The following SSBP2 variants were observed in gnomAD, a reference collection of about 807,000 sequenced individuals.
SSBP2 encodes single-stranded DNA-binding protein 2.
A neutral mutation model predicts 61.8 loss-of-function variants in SSBP2; 17 were observed. That is an observed-to-expected ratio of 0.28 (90% CI 0.19 to 0.41). SSBP2 has a LOEUF of 0.41. SSBP2 is among the 10% of genes least tolerant of loss of function. The pLI is 1.00. For missense variants in SSBP2, 310 were observed against 458.7 expected (o/e 0.68, Z 2.96); for synonymous variants, 139 against 141.3 (o/e 0.98, Z 0.12).
At chr5:81,538,954 C>T (rs1771026237) in intron 4 of SSBP2, among the ~76,000 whole-genome samples, 1 of 152,198 alleles carries the variant, frequency 6.6e-6, no homozygotes, top group Non-Finnish European at 1.5e-5. Flanking sequence ...TATTCTGCAG[C>T]CCATGGATCA....
intron 1 of SSBP2, among the ~76,000 whole-genome samples, chr5:81,670,162 C>A (rs191698973): frequency 3.7e-4 from 57 of 152,200 alleles, no homozygotes; most frequent in African/African-American, 1.3e-3. Context: ...AAACTATGGA[C>A]TTCGAGTAAT....
chr5:81,430,448 G>A (rs942379429), intron 15 of SSBP2, among the ~76,000 whole-genome samples: 4 of 152,076 alleles, frequency 2.6e-5, no homozygotes, highest in African/African-American at 9.7e-5. Flanking sequence ...GGTATATAAG[G>A]TACCATGAGA....
At chr5:81,437,583 T>A (rs2153948316) in intron 14 of SSBP2, 125 bp from the exon 15 acceptor site, 1 of 810,210 alleles carries the variant, frequency 1.2e-6, no homozygotes, top group African/African-American at 1.8e-5. Context: ...CCTGAGTTTT[T>A]AAATCTGAAA....
chr5:81,605,077 G>A (rs1349464844), intron 4 of SSBP2, among the ~76,000 whole-genome samples: 1 of 151,940 alleles, frequency 6.6e-6, no homozygotes, highest in African/African-American at 2.4e-5. Flanking sequence ...TACTAGCTTA[G>A]AATATCTAAA....
chr5:81,436,216 A>G (rs575473727), intron 15 of SSBP2, among the ~76,000 whole-genome samples: 1 of 147,922 alleles, frequency 6.8e-6, no homozygotes, highest in African/African-American at 2.5e-5. Context: ...AAAAAGAGGT[A>G]TCTGAGAGCC....
upstream of SSBP2, chr5:81,751,289 CGACTCCCTCCCTCCCGCCTTCCCT>C: frequency 1.8e-6 from 1 of 562,832 alleles, no homozygotes. Flanking sequence ...CCTCCCTCCC[CGACTCCCTCCCTCCCGCCTTCCCT>C]CTCCGCTCTC....
At chr5:81,530,026 A>G (rs1165756167) in intron 4 of SSBP2, among the ~76,000 whole-genome samples, 2 of 152,090 alleles carry the variant, frequency 1.3e-5, no homozygotes, top group Non-Finnish European at 2.9e-5. Flanking sequence ...AGAGATAGCG[A>G]TACAGAGAAA....
chr5:81,425,108 A>G (rs571238211), intron 16 of SSBP2, among the ~76,000 whole-genome samples: 114 of 152,342 alleles, frequency 7.5e-4, no homozygotes, highest in African/African-American at 2.5e-3. Flanking sequence ...ATGTGAAATG[A>G]GATAGCACGC....
At chr5:81,567,408 A>G (rs1773502867) in intron 4 of SSBP2, among the ~76,000 whole-genome samples, 1 of 152,238 alleles carries the variant, frequency 6.6e-6, no homozygotes, top group Non-Finnish European at 1.5e-5. Flanking sequence ...GCGGGTGCAC[A>G]GAAGTCAAGA....
At chr5:81,605,488 T>C (rs567585105) in intron 4 of SSBP2, among the ~76,000 whole-genome samples, 1 of 152,230 alleles carries the variant, frequency 6.6e-6, no homozygotes, top group Non-Finnish European at 1.5e-5. Flanking sequence ...TCTTTCAATA[T>C]GAGTGAGGTA....
intron 1 of SSBP2, 174 bp downstream of exon 1, chr5:81,750,807 C>G (rs947708096): frequency 2.4e-5 from 17 of 723,330 alleles, no homozygotes; most frequent in South Asian, 9.4e-5. Context: ...CCGCACCTCC[C>G]GGGAAAGCGC....
intron 4 of SSBP2, among the ~76,000 whole-genome samples, chr5:81,579,744 T>C (rs6880224): frequency 0.93 from 141,608 of 152,136 alleles, 66,061 homozygotes; most frequent in East Asian, 1. Context: ...CAATAGGAAA[T>C]GGAAGCTGTC....
chr5:81,446,894 C>T lies in SSBP2; in HGVS notation c.752G>A (p.Gly251Glu). 2 of 1,606,386 alleles carry T rather than the reference C, an allele frequency of 1.2e-6. No homozygotes were observed. The highest frequency in any genetic ancestry group is 1.1e-5 in the South Asian group (1 of 89,346). The change falls in exon 12 of 17, where the codon GGA (glycine) becomes GAA (glutamate). Residue 251 changes from glycine (G) to glutamate (E), a missense_variant. Physicochemically the swap from Gly to Glu is moderately conservative, Grantham distance 98. Transcript: ENST00000320672. ...TGCTGGACTAGGCATGATGGGTGTT[C>T]CTGGTGGCCCTCCACCTCCTGGAGG... is the stretch of plus-strand genomic sequence containing the variant.
In SSBP2 at chr5:81,659,500, C is replaced by T. The variant is rs139180726; in HGVS notation, c.63-9161G>A. 7.7e-3 allele frequency among the ~76,000 whole-genome samples: 1,170 copies of T among 152,226 alleles called. 22 individuals carry two copies. Among genetic ancestry groups the T allele is most frequent in the African/African-American group, 0.027 (1,114 of 41,532 alleles). ...CTTCAAGGAGAACTACAAACCACTA[C>T]TCAAGAAAATGAGAGGACACAAACA... On this transcript the variant is annotated intron_variant, in intron 1 of 16. Coordinates refer to ENST00000320672, the MANE Select transcript of SSBP2 (RefSeq NM_012446.5).
intron 16 of SSBP2, among the ~76,000 whole-genome samples, chr5:81,423,718 C>G (rs942458328): frequency 6.6e-6 from 1 of 151,606 alleles, no homozygotes; most frequent in African/African-American, 2.4e-5. Context: ...GCACTCTAGC[C>G]TGGGTGACAG....
chr5:81,488,058 T>TATATATAA (rs1491473867), intron 6 of SSBP2, among the ~76,000 whole-genome samples: 1 of 83,192 alleles, frequency 1.2e-5, no homozygotes, highest in Non-Finnish European at 2.1e-5. Flanking sequence ...TATATATATA[T>TATATATAA]AAATAAAATA....
chr5:81,445,374 G>A (rs1423840028), intron 12 of SSBP2, among the ~76,000 whole-genome samples: 1 of 151,238 alleles, frequency 6.6e-6, no homozygotes, highest in Non-Finnish European at 1.5e-5. Flanking sequence ...GGTTTGAAAG[G>A]AAGATTACTT....
At chr5:81,623,958 T>C (rs1010683412) in intron 3 of SSBP2, among the ~76,000 whole-genome samples, 19 of 152,150 alleles carry the variant, frequency 1.2e-4, no homozygotes, top group African/African-American at 4.6e-4. Flanking sequence ...TTGTTTAACA[T>C]AGGCAAAGAA....
intron 4 of SSBP2, among the ~76,000 whole-genome samples, chr5:81,531,941 G>A (rs750906564): frequency 2.6e-5 from 4 of 152,128 alleles, no homozygotes; most frequent in Non-Finnish European, 5.9e-5. Flanking sequence ...GGTGAAAGCA[G>A]TGTATCCATG....
Sources: gnomAD v4.1 joint callset for allele counts (sites outside exome capture counted in the v4.1 genomes callset) on GRCh38, gnomAD v4.1.1 for gene constraint, MANE v1.5 for transcripts, NCBI Gene and HGNC (gene_info 2026-07-23, HGNC 2026-07-21) for gene names.